The following ATL1 variants were observed in gnomAD, a reference collection of about 807,000 sequenced individuals.
ATL1 encodes atlastin-1.
ATL1 carries 31 observed loss-of-function variants against 75.5 expected under a neutral mutation model. That is an observed-to-expected ratio of 0.41 (90% CI 0.31 to 0.55). The LOEUF is 0.55. ATL1 is among the 20% of genes least tolerant of loss of function. The probability of loss-of-function intolerance (pLI) is 0.27; values close to 1 mark genes in which losing one functional copy is unlikely to be tolerated. For synonymous variants in ATL1, 226 were observed against 233.3 expected (o/e 0.97, Z 0.28); for missense variants, 405 against 662.6 (o/e 0.61, Z 4.27).
At position 50,543,158 on chromosome 14, in the gene ATL1, G is replaced by A. The variant is rs558128002; in HGVS notation, c.-140+9791G>A. ...TCTAGTGCTTGCTCAGTGTGCCTAC[G>A]TGACAATAGGAATGTAAGCTAACAT... is the stretch of plus-strand genomic sequence containing the variant. On this transcript the variant is annotated intron_variant, in intron 1 of 13. Transcript: ENST00000441560. Among the ~76,000 whole-genome samples, 52 of 152,338 alleles carry A rather than the reference G, an allele frequency of 3.4e-4. 1 individual carries two copies. Among genetic ancestry groups the A allele is most frequent in the African/African-American group, 1.2e-3 (51 of 41,572 alleles).
intron 6 of ATL1, among the ~76,000 whole-genome samples, chr14:50,607,899 T>C (rs919013876): frequency 1.3e-5 from 2 of 152,096 alleles, no homozygotes; most frequent in Non-Finnish European, 2.9e-5. Context: ...ATATAGCTAT[T>C]TCTCAATTGT....
intron 1 of ATL1, among the ~76,000 whole-genome samples, chr14:50,564,069 A>G (rs2038877748): frequency 3.3e-5 from 5 of 152,194 alleles, no homozygotes; most frequent in Admixed American, 2.6e-4. Context: ...TTAAGCTGAT[A>G]TAAGAAATCA....
rs1339744957 is a variant in ATL1, at chr14:50,633,003, G to A, written c.*664G>A. On this transcript the variant is annotated 3_prime_UTR_variant, in exon 14 of 14. Transcript: ENST00000358385. ...CTTCATAGGTTTATTCTTTTAATAT[G>A]TGAACTATTATTAAAGTTTACTCTG... The A allele has an allele frequency of 6.6e-6, 1 of 152,050 alleles. No individual in the cohort carries two copies. Among genetic ancestry groups the A allele is most frequent in the East Asian group, 1.9e-4 (1 of 5,202 alleles). 9.4% of individuals were successfully genotyped at this position (152,050 alleles called of 1,614,324 possible). A position where few individuals can be genotyped will look rare whatever the true frequency, so the allele number is the denominator to read the frequency against.
chr14:50,589,155 CTTTTTTT>C (rs34191629), intron 2 of ATL1, among the ~76,000 whole-genome samples: 8 of 109,404 alleles, frequency 7.3e-5, no homozygotes, highest in East Asian at 5.3e-4. Flanking sequence ...TTCTTTCTTT[CTTTTTTT>C]TTTTTTTTTT....
At chr14:50,602,728 T>C (rs1206012267) in intron 6 of ATL1, among the ~76,000 whole-genome samples, 2 of 152,136 alleles carry the variant, frequency 1.3e-5, no homozygotes, top group African/African-American at 2.4e-5. Context: ...CTGGACCTTT[T>C]TGAGGCCCAG....
chr14:50,541,426 G>A (rs765541638), intron 1 of ATL1, among the ~76,000 whole-genome samples: 1 of 152,198 alleles, frequency 6.6e-6, no homozygotes, highest in Non-Finnish European at 1.5e-5. Context: ...TTTCTAACAA[G>A]GAAGTAGTGC....
At chr14:50,540,244 T>C (rs1205252943) in intron 1 of ATL1, among the ~76,000 whole-genome samples, 3 of 152,248 alleles carry the variant, frequency 2.0e-5, no homozygotes, top group Non-Finnish European at 4.4e-5. Flanking sequence ...TATCCTATTA[T>C]TAATCCCTGA....
At chr14:50,582,131 A>G (rs777323448) in intron 1 of ATL1, among the ~76,000 whole-genome samples, 84 of 151,752 alleles carry the variant, frequency 5.5e-4, no homozygotes, top group Non-Finnish European at 1.1e-3. Context: ...AAATACAAAA[A>G]ATTAGCCGGG....
At chr14:50,624,499 C>T (rs956942773) in intron 11 of ATL1, among the ~76,000 whole-genome samples, 7 of 151,980 alleles carry the variant, frequency 4.6e-5, no homozygotes, top group African/African-American at 1.7e-4. Flanking sequence ...CTGACTGCTC[C>T]ATCAACCAGC....
chr14:50,618,380 A>C (rs1356120256), intron 8 of ATL1, among the ~76,000 whole-genome samples: 1 of 152,200 alleles, frequency 6.6e-6, no homozygotes, highest in Admixed American at 6.5e-5. Context: ...TAAAAAGCAA[A>C]CCACAATAAT....
At chr14:50,538,392 A>C (rs11848086) in intron 1 of ATL1, among the ~76,000 whole-genome samples, 6,750 of 152,306 alleles carry the variant, frequency 0.044, 476 homozygotes, top group African/African-American at 0.15. Context: ...TACAGTTAAA[A>C]AGCTGTTTCT....
chr14:50,628,508 TG>T, intron 12 of ATL1, 46 bp downstream of exon 12: 1 of 1,571,378 alleles, frequency 6.4e-7, no homozygotes, highest in East Asian at 2.3e-5. Context: ...CACATTTGAA[TG>T]TCATCCATGT....
At chr14:50,573,802 G>A in intron 1 of ATL1, among the ~76,000 whole-genome samples, 1 of 151,836 alleles carries the variant, frequency 6.6e-6, no homozygotes, top group East Asian at 1.9e-4. Context: ...CTGTTATTTT[G>A]CTCATAGACC....
chr14:50,623,040 A>G (rs1292721813), intron 10 of ATL1, 137 bp from the exon 11 acceptor site: 3 of 729,178 alleles, frequency 4.1e-6, no homozygotes, highest in East Asian at 2.8e-5. Context: ...TAGAAATATT[A>G]TAACAGTTTT....
intron 10 of ATL1, among the ~76,000 whole-genome samples, chr14:50,622,253 G>A (rs943327183): frequency 1.3e-5 from 2 of 152,208 alleles, no homozygotes; most frequent in Non-Finnish European, 2.9e-5. Flanking sequence ...AATGAGCCAG[G>A]CACGGTGGCA....
chr14:50,576,197 C>T (rs2039004583), intron 1 of ATL1, among the ~76,000 whole-genome samples: 1 of 152,120 alleles, frequency 6.6e-6, no homozygotes, highest in Admixed American at 6.5e-5. Flanking sequence ...TTATCTCACC[C>T]AGTTGTAGGC....
At chr14:50,555,290 GTTTGT>G (rs2038752342), upstream of ATL1, among the ~76,000 whole-genome samples, 3 of 152,060 alleles carry the variant, frequency 2.0e-5, no homozygotes, top group Admixed American at 2.0e-4. Context: ...TTGTTTGTTT[GTTTGT>G]TTTTGAGACG....
At chr14:50,584,728 T>A (rs914309605) in intron 1 of ATL1, among the ~76,000 whole-genome samples, 5 of 150,304 alleles carry the variant, frequency 3.3e-5, no homozygotes, top group African/African-American at 9.8e-5. Context: ...AATAAATAAA[T>A]AAAAAATAAA....
intron 1 of ATL1, chr14:50,571,863 C>G (rs1480012086): frequency 5.5e-6 from 1 of 181,614 alleles, no homozygotes; most frequent in Non-Finnish European, 1.1e-5. Context: ...CCTAACTTAA[C>G]AGGCCCTTTG....
Sources: gnomAD v4.1 joint callset for allele counts (sites outside exome capture counted in the v4.1 genomes callset) on GRCh38, gnomAD v4.1.1 for gene constraint, MANE v1.5 for transcripts, NCBI Gene and HGNC (gene_info 2026-07-23, HGNC 2026-07-21) for gene names.